Variants in PRDM15 observed in about 807,000 individuals in gnomAD.
PRDM15 encodes PR domain zinc finger protein 15.
In PRDM15, 64 loss-of-function variants were observed where a neutral mutation model predicts 128.6. The observed-to-expected ratio is 0.50, with a 90% CI of 0.41 to 0.61. The LOEUF is 0.61. PRDM15 is among the 20% of genes least tolerant of loss of function. PRDM15 has a pLI of 0.00. For missense variants in PRDM15, 1,242 were observed against 1,569.1 expected (o/e 0.79, Z 3.52); for synonymous variants, 615 against 621.8 (o/e 0.99, Z 0.16).
At chr21:41,813,802 G>A (rs1291870448) in intron 19 of PRDM15, 2 of 149,480 alleles carry the variant, frequency 1.3e-5, no homozygotes, top group African/African-American at 2.5e-5. Flanking sequence ...CCTTGTGTTA[G>A]TGATTGCGCA....
At chr21:41,878,328 T>C (rs2064494192) in intron 1 of PRDM15, among the ~76,000 whole-genome samples, 1 of 152,060 alleles carries the variant, frequency 6.6e-6, no homozygotes, top group East Asian at 1.9e-4. Context: ...GACTTGGGGG[T>C]GAGGGGCAAT....
chr21:41,834,714 A>G, intron 11 of PRDM15: 1 of 630,458 alleles, frequency 1.6e-6, no homozygotes, highest in Non-Finnish European at 2.8e-6. Context: ...ATCACTGCAG[A>G]ATACAGGGGC....
In PRDM15 at chr21:41,801,722, C is replaced by A. The variant is rs1484299096; in HGVS notation, c.2944G>T (p.Val982Leu). ...TNSAVQSIQQVVVTLGDPNVT... is the reference protein window; with the variant it reads ...TNSAVQSIQQLVVTLGDPNVT... ...TTTGGGTCACCCAGGGTCACCACTACCTGGAAGATTCACACACAACAAAAA... is the reference window on the plus strand; with the variant it reads ...TTTGGGTCACCCAGGGTCACCACTAACTGGAAGATTCACACACAACAAAAA... The change falls in exon 24 of 24, where the codon GTA becomes TTA. Residue 982 changes from valine to leucine, a missense_variant and splice_region_variant. Physicochemically the swap from Val to Leu is conservative, Grantham distance 32. Around this residue, in one of 3 missense-constraint regions of PRDM15, gnomAD observed 602 missense variants for 788.3 expected, o/e 0.76. Coordinates refer to ENST00000398548, the MANE Select transcript of PRDM15 (RefSeq NM_001040424.3). 3 of 1,608,650 alleles carry A rather than the reference C, an allele frequency of 1.9e-6. No individual in the cohort carries two copies. Among genetic ancestry groups the A allele is most frequent in the Non-Finnish European group, 2.6e-6 (3 of 1,175,716 alleles).
At chr21:41,824,686 G>A (rs944718367) in intron 13 of PRDM15, among the ~76,000 whole-genome samples, 2 of 152,246 alleles carry the variant, frequency 1.3e-5, no homozygotes, top group South Asian at 4.1e-4. Context: ...GGCCCAGCTC[G>A]CAAAGTCACT....
chr21:41,822,224 T>C (rs2062302263), intron 14 of PRDM15, among the ~76,000 whole-genome samples, 187 bp from the exon 15 acceptor site: 1 of 152,248 alleles, frequency 6.6e-6, no homozygotes, highest in Admixed American at 6.5e-5. Flanking sequence ...GGTCCCCACC[T>C]AAACGCTAAA....
chr21:41,800,953 T>C lies in PRDM15; in HGVS notation c.*287A>G, dbSNP rs2061400008. 3.5e-5 allele frequency: 13 copies of C among 367,538 alleles called. No homozygotes were observed. Among genetic ancestry groups the C allele is most frequent in the Non-Finnish European group, 6.3e-5 (13 of 206,112 alleles). 22.8% of individuals were successfully genotyped at this position (367,538 alleles called of 1,614,324 possible). A position where few individuals can be genotyped will look rare whatever the true frequency, so the allele number is the denominator to read the frequency against. On this transcript the variant is annotated 3_prime_UTR_variant, in exon 24 of 24. Transcript: ENST00000398548. Reference sequence around the variant, plus strand: ...AACCCTGTGTCGGGCGAACACTGGTTCTGTAAGGGGAGGCAGATGCGGCCC... The same window carrying C: ...AACCCTGTGTCGGGCGAACACTGGTCCTGTAAGGGGAGGCAGATGCGGCCC...
At chr21:41,878,862 T>C (rs1468625363) in intron 1 of PRDM15, 5 of 955,134 alleles carry the variant, frequency 5.2e-6, no homozygotes, top group African/African-American at 3.7e-5. Context: ...GCGAAGACCC[T>C]GCGCCGCGCC....
intron 21 of PRDM15, among the ~76,000 whole-genome samples, chr21:41,806,720 CCACCAT>C (rs1270344269): frequency 4.5e-5 from 6 of 134,808 alleles, no homozygotes; most frequent in South Asian, 2.6e-4. Flanking sequence ...ACCAACATCA[CCACCAT>C]CACCATCACC....
At position 41,861,578 on chromosome 21, in the gene PRDM15, G is replaced by C. The variant is rs185333589; in HGVS notation, c.-9-1206C>G. On this transcript the variant is annotated intron_variant, in intron 1 of 23. Transcript: ENST00000398548. ...CTGTGCGCACCGGCATGTCCTTCCT[G>C]CAACCTGCTTCTCTGATGCCCGTTG... 289 of 1,611,328 alleles carry C rather than the reference G, an allele frequency of 1.8e-4. No homozygotes were observed. The East Asian group carries it at 6.4e-3, about 35-fold the overall frequency.
At chr21:41,866,174 C>T (rs2064001700) in intron 1 of PRDM15, among the ~76,000 whole-genome samples, 1 of 152,236 alleles carries the variant, frequency 6.6e-6, no homozygotes. Context: ...TTTGACCTGA[C>T]ACCTTCTTCA....
intron 1 of PRDM15, chr21:41,867,457 G>C: frequency 9.0e-7 from 1 of 1,109,238 alleles, no homozygotes; most frequent in Non-Finnish European, 1.4e-6. Context: ...TGAAGAGACA[G>C]AGTCTCACTA....
Position 41,857,280 on chromosome 21 carries a change from C to A in PRDM15, c.181G>T (p.Glu61Ter). 1 of 1,613,962 alleles carries A rather than the reference C, an allele frequency of 6.2e-7. No individual in the cohort carries two copies. Among genetic ancestry groups the A allele is most frequent in the Non-Finnish European group, 8.5e-7 (1 of 1,180,006 alleles). ...AGCTGAGTGATGGCGAACACCCCCTCGGCTCCATCTTCCAGTCGTCTGATC... is the reference window on the plus strand; with the variant it reads ...AGCTGAGTGATGGCGAACACCCCCTAGGCTCCATCTTCCAGTCGTCTGATC... ...LEIRRLEDGA[E>*]GVFAITQLVK... Residue 61 changes from glutamate to a stop codon, truncating the protein, a stop_gained, in exon 4 of 24, where the codon GAG becomes TAG. Coordinates refer to ENST00000398548, the MANE Select transcript of PRDM15 (RefSeq NM_001040424.3). LOFTEE classifies it high-confidence loss of function.
intron 5 of PRDM15, among the ~76,000 whole-genome samples, chr21:41,852,103 T>C (rs559983376): frequency 4.1e-4 from 63 of 152,210 alleles, no homozygotes; most frequent in Non-Finnish European, 7.9e-4. Flanking sequence ...TTAAATCTAT[T>C]GTTTCAAACT....
Position 41,810,633 on chromosome 21 carries a change from A to C in PRDM15, c.2476+120T>G. ...GGGGCCACCATGAAGCCAAGACAACACTAAATGTGCTGGAACCGTCTAGAT... is the reference window on the plus strand; with the variant it reads ...GGGGCCACCATGAAGCCAAGACAACCCTAAATGTGCTGGAACCGTCTAGAT... On this transcript the variant is annotated intron_variant, in intron 20 of 23. Transcript: ENST00000398548. The surrounding 1 kb of genome is among the most constrained non-coding windows in gnomAD (Gnocchi z 6.4). 1.2e-6 allele frequency: 1 copy of C among 823,186 alleles called. No homozygotes were observed. Among genetic ancestry groups the C allele is most frequent in the South Asian group, 1.5e-5 (1 of 67,822 alleles). 51.0% of individuals were successfully genotyped at this position (823,186 alleles called of 1,614,324 possible). A position where few individuals can be genotyped will look rare whatever the true frequency, so the allele number is the denominator to read the frequency against.
intron 7 of PRDM15, among the ~76,000 whole-genome samples, chr21:41,838,948 G>A (rs1448306514): frequency 6.6e-6 from 1 of 152,260 alleles, no homozygotes; most frequent in Non-Finnish European, 1.5e-5. Flanking sequence ...AGGGGCCAGT[G>A]GCTGAGCATC....
rs138875412 is a variant in PRDM15 at position 41,799,201 on chromosome 21, G to A, written c.*2039C>T. On this transcript the variant is annotated 3_prime_UTR_variant, in exon 24 of 24. Coordinates refer to ENST00000398548, the MANE Select transcript of PRDM15 (RefSeq NM_001040424.3). ...GTGGGTGTTTCGTCATGAGCCCAAAGCCCGTTGGGAGTCTCTGCGAGGTCA... is the reference window on the plus strand; with the variant it reads ...GTGGGTGTTTCGTCATGAGCCCAAAACCCGTTGGGAGTCTCTGCGAGGTCA... The A allele has an allele frequency of 6.6e-6, 1 of 152,324 alleles. No individual in the cohort carries two copies. The highest frequency in any genetic ancestry group is 1.5e-5 in the Non-Finnish European group (1 of 68,020). 9.4% of individuals were successfully genotyped at this position (152,324 alleles called of 1,614,324 possible). A position where few individuals can be genotyped will look rare whatever the true frequency, so the allele number is the denominator to read the frequency against.
intron 1 of PRDM15, among the ~76,000 whole-genome samples, chr21:41,864,168 G>C (rs978671273): frequency 6.6e-6 from 1 of 152,138 alleles, no homozygotes; most frequent in African/African-American, 2.4e-5. Flanking sequence ...GACAAAAGCG[G>C]ATTGGATTTT....
Position 41,828,370 on chromosome 21 carries a change from G to C in PRDM15, c.1367-37C>G, listed in dbSNP as rs774522151. The C allele has an allele frequency of 1.2e-6, 2 of 1,609,336 alleles. No individual in the cohort carries two copies. Among genetic ancestry groups the C allele is most frequent in the Non-Finnish European group, 1.7e-6 (2 of 1,176,414 alleles). ...GCAAACAAACACACAACGATTTTGA[G>C]GTAAATAACATCTCACGCAGGCACG... On this transcript the variant is annotated intron_variant, in intron 11 of 23. Transcript: ENST00000398548. This position sits in a 1 kb window ranked among gnomAD's most constrained non-coding sequence, Gnocchi z 5.7.
At chr21:41,860,151 G>A (rs1425480702) in intron 2 of PRDM15, among the ~76,000 whole-genome samples, 176 bp downstream of exon 2, 4 of 152,174 alleles carry the variant, frequency 2.6e-5, no homozygotes, top group Non-Finnish European at 5.9e-5. Flanking sequence ...CCATACCCCT[G>A]TAGTGTACTG....
Sources: allele counts gnomAD v4.1 joint callset (sites outside exome capture counted in the v4.1 genomes callset), GRCh38; gene constraint gnomAD v4.1.1; regional missense constraint gnomAD v4.1.1; non-coding constraint Gnocchi (gnomAD v3.1); transcripts MANE v1.5; gene names NCBI Gene and HGNC (gene_info 2026-07-23, HGNC 2026-07-21).